Variants in CD22 observed in about 807,000 individuals in gnomAD.
The protein encoded by CD22 is B-cell receptor CD22.
In CD22, 51 loss-of-function variants were observed where a neutral mutation model predicts 94.7. That is an observed-to-expected ratio of 0.54 (90% confidence interval 0.43 to 0.68). The LOEUF (loss-of-function observed/expected upper bound fraction) is 0.68, where lower values mean the gene tolerates loss of function less well. Among genes scored for constraint, CD22 ranks in the 30% least tolerant of loss-of-function variants. CD22 has a pLI of 0.00. For synonymous variants in CD22, 424 were observed against 422.5 expected, an observed-to-expected ratio of 1.00 and a Z score of -0.04; for missense variants, 931 against 1,060.4, an observed-to-expected ratio of 0.88 and a Z score of 1.69.
At chr19:35,342,794 GT>G (rs1291529086) in intron 9 of CD22, among the ~76,000 whole-genome samples, 1 of 151,888 alleles carries the variant, frequency 6.6e-6, no homozygotes, top group Non-Finnish European at 1.5e-5. Context: ...CAGGCTCCTT[GT>G]TTTTATCTTT....
intron 1 of CD22, chr19:35,331,762 G>A (rs776127977): frequency 7.9e-5 from 39 of 496,370 alleles, no homozygotes; most frequent in Non-Finnish European, 1.0e-4. Context: ...CCAGAGAAAC[G>A]CTTGAGCCTG....
chr19:35,342,903 C>T (rs941477856), intron 9 of CD22, among the ~76,000 whole-genome samples: 3 of 152,040 alleles, frequency 2.0e-5, no homozygotes, highest in African/African-American at 7.2e-5. Flanking sequence ...CTCTGCCTCC[C>T]GGGTTCACGC....
chr19:35,342,274 A>T (rs1341506922), intron 9 of CD22, among the ~76,000 whole-genome samples: 1 of 151,580 alleles, frequency 6.6e-6, no homozygotes. Flanking sequence ...GGCTCAAGCA[A>T]TCCTTTCGCC....
At chr19:35,339,606 A>G (rs1568488064) in intron 6 of CD22, among the ~76,000 whole-genome samples, 1 of 152,154 alleles carries the variant, frequency 6.6e-6, no homozygotes, top group Non-Finnish European at 1.5e-5. Flanking sequence ...CTGTAATCCC[A>G]GCACTTTGGG....
intron 3 of CD22, among the ~76,000 whole-genome samples, chr19:35,335,425 C>T (rs2066707497): frequency 6.6e-6 from 1 of 151,912 alleles, no homozygotes; most frequent in Non-Finnish European, 1.5e-5. Context: ...GGTGTGGTGG[C>T]ACATGCCTGT....
In CD22 at chr19:35,335,042, C is replaced by T. The variant is rs146267461; in HGVS notation, c.413-994C>T. 1.9e-3 allele frequency among the ~76,000 whole-genome samples: 255 copies of T among 136,814 alleles called. 2 individuals are homozygous for T. The highest frequency in any genetic ancestry group is 6.9e-3 in the African/African-American group (246 of 35,910). The allele number at this position is 136,814 out of a possible 152,430, so 89.8% of individuals were successfully genotyped here. A position where few individuals can be genotyped will look rare whatever the true frequency, so the allele number is the denominator to read the frequency against. On this transcript the variant is annotated intron_variant, in intron 3 of 13. Coordinates refer to ENST00000085219, the MANE Select transcript of CD22 (RefSeq NM_001771.4). ...GCAGTGAGCTGAGATCACGCCACTA[C>T]ACTCCAGTCCGGGCGACAGAGCGAG...
chr19:35,336,383 G>T, intron 4 of CD22, 42 bp downstream of exon 4: 1 of 1,588,398 alleles, frequency 6.3e-7, no homozygotes, highest in Non-Finnish European at 8.6e-7. Flanking sequence ...CAAGGTCTGT[G>T]TCACCTTCTC....
In CD22 at chr19:35,341,838, C is replaced by T; in HGVS notation, c.1908C>T (p.Ser636=). ...HYTWFDWNNQ[S]LPYHSQKLRL... is the part of the protein sequence containing the mutation. ...CCTGGTTTGACTGGAATAACCAAAGCCTCCCCTACCACAGCCAGAAGCTGA... is the reference window on the plus strand; with the variant it reads ...CCTGGTTTGACTGGAATAACCAAAGTCTCCCCTACCACAGCCAGAAGCTGA... The change falls in exon 9 of 14, where the codon AGC becomes AGT. Residue 636 remains serine (S), a synonymous_variant. Transcript: ENST00000085219. The surrounding 1 kb of genome is among the most constrained non-coding windows in gnomAD (Gnocchi z 4.0). The T allele has an allele frequency of 6.2e-7, 1 of 1,614,086 alleles. No homozygotes were observed. The highest frequency in any genetic ancestry group is 8.5e-7 in the Non-Finnish European group (1 of 1,180,028).
intron 3 of CD22, among the ~76,000 whole-genome samples, chr19:35,333,395 G>A (rs575345549): frequency 2.0e-4 from 31 of 152,288 alleles, no homozygotes; most frequent in African/African-American, 7.5e-4. Flanking sequence ...AGAGGAAACT[G>A]GGTGTGGAAC....
Position 35,347,173 on chromosome 19 carries a change from C to T in CD22, c.*476C>T, listed in dbSNP as rs3088063. 13,242 of 155,996 alleles carry T rather than the reference C, an allele frequency of 0.085. 668 individuals carry two copies. The highest frequency in any genetic ancestry group is 0.22 in the South Asian group (1,192 of 5,520). The allele number at this position is 155,996 out of a possible 1,614,324, so 9.7% of individuals were successfully genotyped here. A position where few individuals can be genotyped will look rare whatever the true frequency, so the allele number is the denominator to read the frequency against. On this transcript the variant is annotated 3_prime_UTR_variant, in exon 14 of 14. Transcript: ENST00000085219. The stretch of plus-strand genomic sequence containing the variant: ...GGGAAAGCCCAGAAAAGGACAGAAA[C>T]GAAGTAGAAAGGGGCCCAGTCCTGG...
In CD22 at chr19:35,345,608, A is replaced by C. The variant is rs142538328; in HGVS notation, c.2215A>C (p.Arg739=). 3 of 1,600,390 alleles carry C rather than the reference A, an allele frequency of 1.9e-6. No individual in the cohort carries two copies. Among genetic ancestry groups the C allele is most frequent in the Admixed American group, 1.7e-5 (1 of 59,876 alleles). The change falls in exon 12 of 14, where the codon AGG becomes CGG. Residue 739 remains arginine (R), a synonymous_variant. Coordinates refer to ENST00000085219, the MANE Select transcript of CD22 (RefSeq NM_001771.4). ...SFFVRNKKVR[R]APLSEGPHSL... is the part of the protein sequence containing the mutation. ...ATCCTCGTCTCCCTCCCAGGTTAGAAGGGCCCCCCTCTCTGAAGGCCCCCA... is the reference window on the plus strand; with the variant it reads ...ATCCTCGTCTCCCTCCCAGGTTAGACGGGCCCCCCTCTCTGAAGGCCCCCA...
chr19:35,337,709 C>T lies in CD22; in HGVS notation c.719-46C>T. ...AAGCACTTTCCACACCCTCCACCCT[C>T]TGAGGATTCCCCGCCCCCTCCCCGA... On this transcript the variant is annotated intron_variant, in intron 4 of 13. Coordinates refer to ENST00000085219, the MANE Select transcript of CD22 (RefSeq NM_001771.4). This position sits in a 1 kb window ranked among gnomAD's most constrained non-coding sequence, Gnocchi z 4.4. 1 of 1,538,018 alleles carries T rather than the reference C, an allele frequency of 6.5e-7. No individual in the cohort carries two copies. Among genetic ancestry groups the T allele is most frequent in the Non-Finnish European group, 8.9e-7 (1 of 1,128,760 alleles).
At chr19:35,329,354 G>C in intron 1 of CD22, 124 bp downstream of exon 1, 1 of 538,974 alleles carries the variant, frequency 1.9e-6, no homozygotes. Context: ...CTCTCTTACC[G>C]GTGTTACAAC....
Position 35,346,810 on chromosome 19 carries a change from ACACACACG to A in CD22, c.*121_*128del. On this transcript the variant is annotated 3_prime_UTR_variant, in exon 14 of 14. Transcript: ENST00000085219. ...CCTGCGCGCATGTGCGCACACACAC[ACACACACG>A]CACACACACACACACACACTCACTG... 8 of 863,894 alleles carry A rather than the reference ACACACACG, an allele frequency of 9.3e-6. No homozygotes were observed. The highest frequency in any genetic ancestry group is 1.7e-5 in the South Asian group (1 of 57,632). 53.5% of individuals were successfully genotyped at this position (863,894 alleles called of 1,614,324 possible). A position where few individuals can be genotyped will look rare whatever the true frequency, so the allele number is the denominator to read the frequency against.
Position 35,332,935 on chromosome 19 carries a change from CG to C in CD22, c.412+15del, listed in dbSNP as rs1017799238. 6.2e-7 allele frequency: 1 copy of C among 1,609,480 alleles called. No individual in the cohort carries two copies. Among genetic ancestry groups the C allele is most frequent in the Admixed American group, 1.7e-5 (1 of 59,916 alleles). On this transcript the variant is annotated intron_variant, in intron 3 of 13. Coordinates refer to ENST00000085219, the MANE Select transcript of CD22 (RefSeq NM_001771.4). ...ACCTCAATGTCTCTGGTAAGGCCTT[CG>C]GGGAGCGGGTCCTCTGCTCTGGGCA...
At position 35,338,186 on chromosome 19, in the gene CD22, C is replaced by T. The variant is rs766385619; in HGVS notation, c.1004C>T (p.Thr335Met). 19 of 1,612,550 alleles carry T rather than the reference C, an allele frequency of 1.2e-5. No individual in the cohort carries two copies. Among genetic ancestry groups the T allele is most frequent in the Non-Finnish European group, 1.5e-5 (18 of 1,178,910 alleles). Reference protein sequence around the residue: ...LQVQYAPEPSTVQILHSPAVE... With the variant: ...LQVQYAPEPSMVQILHSPAVE... The stretch of plus-strand genomic sequence containing the variant: ...CTTCCAGATGCCCCGGAACCTTCCA[C>T]GGTTCAGATCCTCCACTCACCGGCT... The change falls in exon 6 of 14, where the codon ACG becomes ATG. Residue 335 changes from threonine (T) to methionine (M), a missense_variant. Physicochemically the swap from Thr to Met is moderately conservative, Grantham distance 81 (BLOSUM62 -1). Coordinates refer to ENST00000085219, the MANE Select transcript of CD22 (RefSeq NM_001771.4).
chr19:35,332,475 T>G, intron 2 of CD22, 72 bp from the exon 3 acceptor site: 2 of 1,418,750 alleles, frequency 1.4e-6, no homozygotes, highest in Admixed American at 4.8e-5. Context: ...AAACAAATTT[T>G]AAAATAAAAA....
rs73927992 is a variant in CD22 at position 35,346,822 on chromosome 19, A to G, written c.*125A>G. 0.011 allele frequency: 8,284 copies of G among 745,842 alleles called. 45 individuals are homozygous for G. The highest frequency in any genetic ancestry group is 0.013 in the Non-Finnish European group (6,612 of 498,426). The allele number at this position is 745,842 out of a possible 1,614,324, so 46.2% of individuals were successfully genotyped here. A position where few individuals can be genotyped will look rare whatever the true frequency, so the allele number is the denominator to read the frequency against. ...TGCGCACACACACACACACACGCAC[A>G]CACACACACACACACTCACTGCGGA... On this transcript the variant is annotated 3_prime_UTR_variant, in exon 14 of 14. Coordinates refer to ENST00000085219, the MANE Select transcript of CD22 (RefSeq NM_001771.4).
In CD22 at chr19:35,338,041, G is replaced by C. The variant is rs766948620; in HGVS notation, c.985+20G>C. On this transcript the variant is annotated intron_variant, in intron 5 of 13. Coordinates refer to ENST00000085219, the MANE Select transcript of CD22 (RefSeq NM_001771.4). ...TGCAGTGTGAGCCCCTCGGAGCTGG[G>C]GACAGGCCAGGCAGGGAGGTAGCAG... is the stretch of plus-strand genomic sequence containing the variant. 1.3e-6 allele frequency: 2 copies of C among 1,595,204 alleles called. No individual in the cohort carries two copies. The highest frequency in any genetic ancestry group is 1.7e-6 in the Non-Finnish European group (2 of 1,168,610).
Sources: allele counts gnomAD v4.1 joint callset (sites outside exome capture counted in the v4.1 genomes callset), GRCh38; gene constraint gnomAD v4.1.1; non-coding constraint Gnocchi (gnomAD v3.1); transcripts MANE v1.5; gene names NCBI Gene and HGNC (gene_info 2026-07-23, HGNC 2026-07-21).